SLC13A1: variants seen among roughly 807,000 people sequenced by gnomAD.
SLC13A1 encodes solute carrier family 13 member 1.
Under a neutral mutation model 70.0 loss-of-function variants are expected in SLC13A1, and 65 were observed. That is an observed-to-expected ratio of 0.93 (90% CI 0.76 to 1.14). The LOEUF (loss-of-function observed/expected upper bound fraction) is 1.14, where lower values mean the gene tolerates loss of function less well. SLC13A1 is among the 50% of genes most tolerant of loss of function. The pLI, the probability that SLC13A1 is intolerant of heterozygous loss-of-function variation, is 0.00. For synonymous variants in SLC13A1, 275 were observed against 250.5 expected (o/e 1.10, Z -0.92); for missense variants, 726 against 717.8 (o/e 1.01, Z -0.13).
chr7:123,185,007 T>C lies in SLC13A1; in HGVS notation c.100-3906A>G, dbSNP rs144671223. Among the ~76,000 whole-genome samples the C allele has an allele frequency of 4.2e-3, 645 of 152,246 alleles. 6 individuals carry two copies. Among genetic ancestry groups the C allele is most frequent in the Non-Finnish European group, 6.5e-3 (441 of 67,986 alleles). On this transcript the variant is annotated intron_variant, in intron 1 of 14. Coordinates refer to ENST00000194130, the MANE Select transcript of SLC13A1 (RefSeq NM_022444.4). ...TAACAAAGGTGAGATAATATCTCAC[T>C]GTGGCTTTAGTTTGTATTTCCCAGA...
chr7:123,136,075 A>G (rs115648193), intron 7 of SLC13A1, among the ~76,000 whole-genome samples: 394 of 152,266 alleles, frequency 2.6e-3, no homozygotes, highest in African/African-American at 9.0e-3. Context: ...ATTCTGTACA[A>G]CCTAACGACA....
At chr7:123,142,781 C>T (rs1794203909) in intron 7 of SLC13A1, among the ~76,000 whole-genome samples, 1 of 151,830 alleles carries the variant, frequency 6.6e-6, no homozygotes, top group Non-Finnish European at 1.5e-5. Context: ...CCATGCCCGG[C>T]TAATTTTTGT....
At chr7:123,145,921 A>G (rs1204266334) in intron 7 of SLC13A1, among the ~76,000 whole-genome samples, 1 of 152,172 alleles carries the variant, frequency 6.6e-6, no homozygotes, top group East Asian at 1.9e-4. Context: ...CTATGAATCT[A>G]CTTCACAGAG....
At position 123,114,752 on chromosome 7, in the gene SLC13A1, T is replaced by A. The variant is rs1793124729; in HGVS notation, c.*766A>T. The A allele has an allele frequency of 6.6e-6, 1 of 152,212 alleles. No homozygotes were observed. The highest frequency in any genetic ancestry group is 1.5e-5 in the Non-Finnish European group (1 of 68,020). 9.4% of individuals were successfully genotyped at this position (152,212 alleles called of 1,614,324 possible). ...CTTTCTAACTATACTGTACTAATAG[T>A]GCAAATCATAGCAAGCCTTATCCAT... On this transcript the variant is annotated 3_prime_UTR_variant, in exon 15 of 15. Transcript: ENST00000194130.
chr7:123,124,689 C>CTGTG (rs143632506), intron 11 of SLC13A1, among the ~76,000 whole-genome samples: 10 of 150,134 alleles, frequency 6.7e-5, no homozygotes, highest in East Asian at 3.9e-4. Flanking sequence ...GTGTGTGTGT[C>CTGTG]TGTGTGTGTG....
chr7:123,169,592 CAG>C (rs1049657326), intron 3 of SLC13A1, among the ~76,000 whole-genome samples: 5 of 152,012 alleles, frequency 3.3e-5, no homozygotes, highest in Admixed American at 2.6e-4. Context: ...TCTTCAGAAA[CAG>C]AAAAATGATT....
In SLC13A1 at chr7:123,117,569, G is replaced by T. The variant is rs1201086204; in HGVS notation, c.1552C>A (p.Pro518Thr). 17 of 1,610,234 alleles carry T rather than the reference G, an allele frequency of 1.1e-5. No homozygotes were observed. Among genetic ancestry groups the T allele is most frequent in the Admixed American group, 1.7e-5 (1 of 59,896 alleles). The stretch of plus-strand genomic sequence containing the variant: ...GCAAATGAAGTACACAGAGTAGAAG[G>T]TATCAGAATATAAAGAGGGTTCACA... ...IHVNPLYILI[P>T]STLCTSFAFL... The change falls in exon 14 of 15, where the codon CCT (proline) becomes ACT (threonine). Residue 518 changes from proline to threonine, a missense_variant. Pro to Thr is a conservative substitution (Grantham distance 38, BLOSUM62 -1). Transcript: ENST00000194130.
intron 1 of SLC13A1, among the ~76,000 whole-genome samples, chr7:123,186,288 T>C (rs1162868881): frequency 1.3e-5 from 2 of 152,122 alleles, no homozygotes; most frequent in South Asian, 2.1e-4. Context: ...CGAGGGTGAG[T>C]AACTTTTGGT....
intron 13 of SLC13A1, among the ~76,000 whole-genome samples, chr7:123,118,090 C>T (rs926659712): frequency 6.6e-6 from 1 of 151,994 alleles, no homozygotes; most frequent in African/African-American, 2.4e-5. Context: ...GCTAAAGTAA[C>T]TTGTCCGAGC....
At chr7:123,192,941 G>A (rs1050103721) in intron 1 of SLC13A1, among the ~76,000 whole-genome samples, 4 of 151,880 alleles carry the variant, frequency 2.6e-5, no homozygotes, top group Admixed American at 1.3e-4. Flanking sequence ...AGCCAAAATG[G>A]ATAGTAGAGA....
chr7:123,123,226 T>G lies in SLC13A1; in HGVS notation c.1250A>C (p.Asp417Ala). Residue 417 changes from aspartate to alanine, a missense_variant, in exon 12 of 15, where the codon GAT becomes GCT. Asp to Ala is a moderately radical substitution (Grantham distance 126). Transcript: ENST00000194130. ...TTTCCAAGTAATCAGTGGAGAGTAA[T>G]CAAAAGCAACTGCAAAACAAAAATC... is the stretch of plus-strand genomic sequence containing the variant. ...TTPTGEIVAF[D>A]YSPLITWKEF... The G allele has an allele frequency of 1.2e-6, 2 of 1,611,282 alleles. No homozygotes were observed. The highest frequency in any genetic ancestry group is 4.5e-5 in the East Asian group (2 of 44,834).
chr7:123,122,770 A>C (rs1395869464), intron 12 of SLC13A1, among the ~76,000 whole-genome samples: 1 of 152,146 alleles, frequency 6.6e-6, no homozygotes, highest in Admixed American at 6.6e-5. Context: ...AATAAGGTAA[A>C]GGCATAAGCA....
At chr7:123,172,792 CT>C (rs35006554) in intron 2 of SLC13A1, among the ~76,000 whole-genome samples, 4 of 151,274 alleles carry the variant, frequency 2.6e-5, no homozygotes, top group South Asian at 2.1e-4. Context: ...GGTACATAAT[CT>C]TTTTTTTTAA....
chr7:123,121,914 G>T (rs577464108), intron 12 of SLC13A1, among the ~76,000 whole-genome samples: 6 of 152,080 alleles, frequency 3.9e-5, no homozygotes, highest in Admixed American at 6.6e-5. Context: ...GAAGCTCATG[G>T]CTTCAATCTG....
intron 12 of SLC13A1, among the ~76,000 whole-genome samples, chr7:123,121,502 C>T (rs189075738): frequency 6.6e-6 from 1 of 152,174 alleles, no homozygotes; most frequent in East Asian, 1.9e-4. Flanking sequence ...GTCATATAGT[C>T]TTTGTCTTTA....
At chr7:123,155,014 A>G (rs1391331687) in intron 6 of SLC13A1, among the ~76,000 whole-genome samples, 1 of 152,010 alleles carries the variant, frequency 6.6e-6, no homozygotes, top group Non-Finnish European at 1.5e-5. Context: ...TCAGTCATTC[A>G]TATTTTTGAT....
chr7:123,165,134 A>G (rs1201919677), intron 6 of SLC13A1, among the ~76,000 whole-genome samples: 1 of 152,168 alleles, frequency 6.6e-6, no homozygotes, highest in African/African-American at 2.4e-5. Context: ...TTGTAACACA[A>G]ATTATATATA....
chr7:123,160,914 C>A (rs1419818710), intron 6 of SLC13A1, among the ~76,000 whole-genome samples: 1 of 151,664 alleles, frequency 6.6e-6, no homozygotes, highest in Non-Finnish European at 1.5e-5. Flanking sequence ...GTAATAGAAG[C>A]AAATTCATAT....
At chr7:123,184,349 T>G (rs933978646) in intron 1 of SLC13A1, among the ~76,000 whole-genome samples, 1 of 152,116 alleles carries the variant, frequency 6.6e-6, no homozygotes, top group Non-Finnish European at 1.5e-5. Context: ...ACAGTCACCA[T>G]GTTGTACAAT....
Sources: allele counts gnomAD v4.1 joint callset (sites outside exome capture counted in the v4.1 genomes callset), GRCh38; gene constraint gnomAD v4.1.1; transcripts MANE v1.5; gene names NCBI Gene and HGNC (gene_info 2026-07-23, HGNC 2026-07-21).